Variants in CAMSAP2 observed in about 807,000 individuals in gnomAD.
CAMSAP2 encodes the protein calmodulin regulated spectrin associated protein family member 2.
A neutral mutation model predicts 146.1 loss-of-function variants in CAMSAP2; 26 were observed. The ratio of observed to expected loss-of-function variants is 0.18; its 90% confidence interval spans 0.13 to 0.25. The LOEUF (loss-of-function observed/expected upper bound fraction) is 0.25. Among genes scored for constraint, CAMSAP2 ranks in the 10% least tolerant of loss-of-function variants. The pLI, the probability that CAMSAP2 is intolerant of heterozygous loss-of-function variation, is 1.00. For missense variants in CAMSAP2, 1,381 were observed against 1,759.3 expected, an observed-to-expected ratio of 0.78 and a Z score of 3.85; for synonymous variants, 499 against 596.6, an observed-to-expected ratio of 0.84 and a Z score of 2.38.
At chr1:200,740,824 T>C (rs60070641) in intron 1 of CAMSAP2, among the ~76,000 whole-genome samples, 14,977 of 152,222 alleles carry the variant, frequency 0.098, 790 homozygotes, top group Middle Eastern at 0.14. Flanking sequence ...TAGGAGCCCA[T>C]GTTGTGAAAT....
intron 2 of CAMSAP2, among the ~76,000 whole-genome samples, chr1:200,797,993 G>A (rs1295996939): frequency 2.0e-5 from 3 of 151,982 alleles, no homozygotes; most frequent in African/African-American, 7.3e-5. Flanking sequence ...GGTATGCGGC[G>A]TTATTTCTGA....
chr1:200,779,000 A>G (rs10920027), intron 2 of CAMSAP2, among the ~76,000 whole-genome samples: 24,193 of 152,070 alleles, frequency 0.16, 2,532 homozygotes, highest in East Asian at 0.35. Flanking sequence ...CGTGGAAGGA[A>G]TTTGCTTGTT....
Position 200,841,875 on chromosome 1 carries a change from A to G in CAMSAP2, c.928-119A>G, listed in dbSNP as rs79194142. 623 of 707,454 alleles carry G rather than the reference A, an allele frequency of 8.8e-4. 1 individual carries two copies. The African/African-American group carries it at 9.3e-3, about 11-fold the overall frequency. 43.8% of individuals were successfully genotyped at this position (707,454 alleles called of 1,614,324 possible). A position where few individuals can be genotyped will look rare whatever the true frequency, so the allele number is the denominator to read the frequency against. ...TCCATCCCATGTTTAATAGCCTACT[A>G]TAGTGAATATACTCCAGTGATGAAT... On this transcript the variant is annotated intron_variant, in intron 6 of 16. Transcript: ENST00000358823.
rs756018315 is a variant in CAMSAP2, at chr1:200,815,641, A to G, written c.642A>G (p.Gln214=). The G allele has an allele frequency of 6.5e-7, 1 of 1,549,716 alleles. No individual in the cohort carries two copies. Among genetic ancestry groups the G allele is most frequent in the Non-Finnish European group, 8.7e-7 (1 of 1,148,794 alleles). The change falls in exon 4 of 17, where the codon CAA becomes CAG. Residue 214 remains glutamine, a synonymous_variant. Transcript: ENST00000358823. ...ACACAGTTGAAGCTCCAGGAGGTCA[A>G]AAGGTATTTATTTCAAAAACAAAAA... ...EHHTVEAPGG[Q]KARYRKEQTL... is the part of the protein sequence containing the mutation.
chr1:200,746,908 T>C (rs1460715614), intron 1 of CAMSAP2, among the ~76,000 whole-genome samples: 5 of 152,032 alleles, frequency 3.3e-5, no homozygotes, highest in East Asian at 3.9e-4. Flanking sequence ...GTGAGTCAAC[T>C]GCGCCCGGCC....
At chr1:200,824,330 C>T (rs1666850503) in intron 4 of CAMSAP2, among the ~76,000 whole-genome samples, 1 of 151,936 alleles carries the variant, frequency 6.6e-6, no homozygotes, top group Non-Finnish European at 1.5e-5. Context: ...CTAAAATCAG[C>T]CATTTCTTCA....
intron 2 of CAMSAP2, among the ~76,000 whole-genome samples, chr1:200,778,523 T>C (rs965886803): frequency 6.6e-6 from 1 of 152,038 alleles, no homozygotes; most frequent in Non-Finnish European, 1.5e-5. Context: ...GGGAAAAGAG[T>C]GTTGACTTTT....
intron 4 of CAMSAP2, among the ~76,000 whole-genome samples, chr1:200,818,502 C>T (rs892975134): frequency 1.3e-5 from 2 of 152,134 alleles, no homozygotes; most frequent in African/African-American, 4.8e-5. Context: ...ACATACATAG[C>T]ATTTACCCCT....
intron 2 of CAMSAP2, among the ~76,000 whole-genome samples, chr1:200,802,909 T>C (rs555798759): frequency 6.6e-6 from 1 of 152,342 alleles, no homozygotes; most frequent in Admixed American, 6.5e-5. Context: ...ATATAGAACC[T>C]AATGGTGGCC....
chr1:200,779,841 GAT>G (rs1166111845), intron 2 of CAMSAP2, among the ~76,000 whole-genome samples: 1 of 151,966 alleles, frequency 6.6e-6, no homozygotes. Flanking sequence ...AGAATATCAG[GAT>G]ATGTTAAGAG....
rs1290674037 is a variant in CAMSAP2, at chr1:200,784,803, C to T, written c.400-22573C>T. ...GTTGAGTAAAAGTGGTGAGACCAGA[C>T]ATTTTTGTCTTATTCCTCATCTTAT... On this transcript the variant is annotated intron_variant, in intron 2 of 16. Transcript: ENST00000358823. 5.9e-5 allele frequency among the ~76,000 whole-genome samples: 9 copies of T among 152,254 alleles called. No individual in the cohort carries two copies. The East Asian group carries it at 1.7e-3, about 29-fold the overall frequency.
rs918672218 is a variant in CAMSAP2, at chr1:200,739,764, G to C, written c.-64G>C. The C allele has an allele frequency of 1.6e-4, 188 of 1,161,834 alleles. No homozygotes were observed. The highest frequency in any genetic ancestry group is 3.9e-4 in the East Asian group (9 of 22,806). The allele number at this position is 1,161,834 out of a possible 1,614,324, so 72.0% of individuals were successfully genotyped here. A position where few individuals can be genotyped will look rare whatever the true frequency, so the allele number is the denominator to read the frequency against. Reference sequence around the variant, plus strand: ...TGCTTCTCCCTCCCTCCCGACCCCCGTGGTGGCGAGGCCACGCCATGTGAA... The same window carrying C: ...TGCTTCTCCCTCCCTCCCGACCCCCCTGGTGGCGAGGCCACGCCATGTGAA... On this transcript the variant is annotated 5_prime_UTR_variant, in exon 1 of 17. Coordinates refer to ENST00000358823, the MANE Select transcript of CAMSAP2 (RefSeq NM_203459.4). This position sits in a 1 kb window ranked among gnomAD's most constrained non-coding sequence, Gnocchi z 4.8.
intron 2 of CAMSAP2, among the ~76,000 whole-genome samples, chr1:200,761,942 G>T (rs866991143): frequency 6.6e-6 from 1 of 152,192 alleles, no homozygotes; most frequent in East Asian, 1.9e-4. Context: ...TAAGTTCATT[G>T]TATGCTGGTT....
chr1:200,837,721 C>A (rs529047932), intron 6 of CAMSAP2, among the ~76,000 whole-genome samples: 164 of 152,068 alleles, frequency 1.1e-3, no homozygotes, highest in Middle Eastern at 3.4e-3. Context: ...AATGTTTTTC[C>A]ATTTGTTTGT....
At chr1:200,825,900 C>T (rs1666893989) in intron 4 of CAMSAP2, among the ~76,000 whole-genome samples, 1 of 152,096 alleles carries the variant, frequency 6.6e-6, no homozygotes. Flanking sequence ...TAAGTAGTTT[C>T]CAGTATCTTG....
chr1:200,810,118 C>T lies in CAMSAP2; in HGVS notation c.561+2581C>T, dbSNP rs578032241. On this transcript the variant is annotated intron_variant, in intron 3 of 16. Coordinates refer to ENST00000358823, the MANE Select transcript of CAMSAP2 (RefSeq NM_203459.4). Reference sequence around the variant, plus strand: ...ATATTCAAACCATAGAACCTGGGAACGTGTTAAAATGGCTGATCTGAATGA... The same window carrying T: ...ATATTCAAACCATAGAACCTGGGAATGTGTTAAAATGGCTGATCTGAATGA... Among the ~76,000 whole-genome samples the T allele has an allele frequency of 1.3e-3, 194 of 152,204 alleles. 1 individual carries two copies. Among genetic ancestry groups the T allele is most frequent in the African/African-American group, 4.5e-3 (187 of 41,508 alleles).
intron 2 of CAMSAP2, among the ~76,000 whole-genome samples, chr1:200,763,786 A>G (rs1025136484): frequency 3.3e-5 from 5 of 152,042 alleles, no homozygotes; most frequent in African/African-American, 1.2e-4. Flanking sequence ...TTAAGAAACT[A>G]TGTTTTTGGC....
intron 4 of CAMSAP2, among the ~76,000 whole-genome samples, chr1:200,824,927 C>T (rs10753883): frequency 0.17 from 26,090 of 151,866 alleles, 2,993 homozygotes; most frequent in East Asian, 0.35. Context: ...TGCAGTGAGC[C>T]GAGATCGTGC....
chr1:200,783,527 G>T (rs1333889565), intron 2 of CAMSAP2, among the ~76,000 whole-genome samples: 1 of 152,052 alleles, frequency 6.6e-6, no homozygotes, highest in Non-Finnish European at 1.5e-5. Flanking sequence ...CTGTTGTCCA[G>T]GCTGGAGTGC....
Sources: gnomAD v4.1 joint callset for allele counts (sites outside exome capture counted in the v4.1 genomes callset) on GRCh38, gnomAD v4.1.1 for gene constraint, Gnocchi (gnomAD v3.1) non-coding constraint, MANE v1.5 for transcripts, NCBI Gene and HGNC (gene_info 2026-07-23, HGNC 2026-07-21) for gene names.